KCNK13: variants seen among roughly 807,000 people sequenced by gnomAD.
The protein encoded by KCNK13 is potassium channel subfamily K member 13.
Under a neutral mutation model 23.4 loss-of-function variants are expected in KCNK13, and 12 were observed. The observed-to-expected ratio is 0.51, with a 90% CI of 0.33 to 0.83. The LOEUF (loss-of-function observed/expected upper bound fraction) is 0.83, where lower values mean the gene tolerates loss of function less well. KCNK13 is among the 40% of genes least tolerant of loss of function. KCNK13 has a pLI of 0.02. For synonymous variants in KCNK13, 231 were observed against 229.5 expected (o/e 1.01, Z -0.06); for missense variants, 463 against 556.3 (o/e 0.83, Z 1.69).
At chr14:90,137,888 T>G (rs1202399262) in intron 1 of KCNK13, among the ~76,000 whole-genome samples, 3 of 152,210 alleles carry the variant, frequency 2.0e-5, no homozygotes, top group Non-Finnish European at 4.4e-5. Flanking sequence ...TTGATTCCAC[T>G]GTTAGCCTGG....
chr14:90,073,967 G>C (rs529434406), intron 1 of KCNK13, among the ~76,000 whole-genome samples: 1 of 150,790 alleles, frequency 6.6e-6, no homozygotes, highest in Non-Finnish European at 1.5e-5. Flanking sequence ...GAGCCACTGC[G>C]CCCGACCAAG....
chr14:90,151,636 A>G (rs762086166), intron 1 of KCNK13, among the ~76,000 whole-genome samples: 3 of 152,152 alleles, frequency 2.0e-5, no homozygotes, highest in Admixed American at 1.3e-4. Context: ...GTTTGATGCA[A>G]TCCCATTTGT....
intron 1 of KCNK13, among the ~76,000 whole-genome samples, chr14:90,181,975 A>G (rs1482944218): frequency 6.6e-6 from 1 of 152,188 alleles, no homozygotes; most frequent in Non-Finnish European, 1.5e-5. Flanking sequence ...CTCCACTGCC[A>G]AGAATTGCTG....
chr14:90,112,376 A>G (rs1480867322), intron 1 of KCNK13, among the ~76,000 whole-genome samples: 1 of 152,230 alleles, frequency 6.6e-6, no homozygotes, highest in Non-Finnish European at 1.5e-5. Context: ...AAAGAACTGG[A>G]TGAGCAATAC....
intron 1 of KCNK13, among the ~76,000 whole-genome samples, chr14:90,102,840 A>G (rs1362793603): frequency 6.6e-6 from 1 of 152,154 alleles, no homozygotes; most frequent in Non-Finnish European, 1.5e-5. Context: ...TTTTAGATAC[A>G]GGAGGTACAT....
chr14:90,104,589 T>A (rs530196377), intron 1 of KCNK13, among the ~76,000 whole-genome samples: 2 of 152,250 alleles, frequency 1.3e-5, no homozygotes, highest in South Asian at 4.1e-4. Context: ...ACTTGATGAA[T>A]CCTGCCAGAA....
At chr14:90,071,790 G>C (rs1889078101) in intron 1 of KCNK13, among the ~76,000 whole-genome samples, 1 of 151,950 alleles carries the variant, frequency 6.6e-6, no homozygotes, top group African/African-American at 2.4e-5. Flanking sequence ...CCCAGCTACT[G>C]GGGAGGCTGA....
intron 1 of KCNK13, among the ~76,000 whole-genome samples, chr14:90,107,370 T>C (rs1242245075): frequency 6.6e-6 from 1 of 151,292 alleles, no homozygotes; most frequent in Non-Finnish European, 1.5e-5. Context: ...CCCAGCTACT[T>C]GGGAGGCTGA....
At chr14:90,072,465 C>T (rs745818232) in intron 1 of KCNK13, among the ~76,000 whole-genome samples, 21 of 152,140 alleles carry the variant, frequency 1.4e-4, no homozygotes, top group African/African-American at 2.2e-4. Context: ...GCTGGCCAGA[C>T]GGGTCTGATG....
At chr14:90,096,168 A>G (rs543697397) in intron 1 of KCNK13, among the ~76,000 whole-genome samples, 39 of 152,288 alleles carry the variant, frequency 2.6e-4, no homozygotes, top group African/African-American at 9.4e-4. Flanking sequence ...ACTTTATTAT[A>G]TAGACATGAT....
rs140749568 is a variant in KCNK13, at chr14:90,184,268, G to A, written c.492G>A (p.Gln164=). 2.5e-6 allele frequency: 4 copies of A among 1,614,124 alleles called. No homozygotes were observed. The highest frequency in any genetic ancestry group is 3.4e-6 in the Non-Finnish European group (4 of 1,180,054). The change falls in exon 2 of 2, where the codon CAG becomes CAA. Residue 164 remains glutamine (Q), a synonymous_variant. Transcript: ENST00000282146. This position sits in a 1 kb window ranked among gnomAD's most constrained non-coding sequence, Gnocchi z 5.6. ...AYIMKSCHQR[Q]LRRRGALPQE... ...TCATGAAGTCGTGCCACCAGCGGCA[G>A]CTCCGGAGACGAGGGGCCCTGCCCC...
intron 1 of KCNK13, among the ~76,000 whole-genome samples, chr14:90,109,565 C>T (rs886323909): frequency 1.1e-4 from 17 of 151,744 alleles, no homozygotes; most frequent in Middle Eastern, 3.4e-3. Flanking sequence ...CCCACCACCA[C>T]GCCTGGCTAA....
intron 1 of KCNK13, among the ~76,000 whole-genome samples, chr14:90,160,408 T>A (rs577505616): frequency 9.2e-5 from 14 of 152,300 alleles, no homozygotes; most frequent in African/African-American, 3.4e-4. Context: ...GCTGAGCTCA[T>A]GGCTAAGAGT....
chr14:90,068,783 T>C (rs1889038264), intron 1 of KCNK13, among the ~76,000 whole-genome samples: 1 of 152,072 alleles, frequency 6.6e-6, no homozygotes, highest in Admixed American at 6.5e-5. Flanking sequence ...TCCCATGCTT[T>C]AGAACATAGA....
At chr14:90,155,371 T>C (rs554913385) in intron 1 of KCNK13, among the ~76,000 whole-genome samples, 3 of 151,940 alleles carry the variant, frequency 2.0e-5, no homozygotes, top group Admixed American at 6.6e-5. Flanking sequence ...GAGGGGAAGA[T>C]TGGGGCAGCT....
intron 1 of KCNK13, among the ~76,000 whole-genome samples, chr14:90,183,791 G>C (rs1481940638): frequency 1.3e-5 from 2 of 152,212 alleles, no homozygotes; most frequent in Non-Finnish European, 2.9e-5. Context: ...ATATCTAGCA[G>C]AGAAGGGAAA....
chr14:90,069,855 G>C (rs1053771255), intron 1 of KCNK13, among the ~76,000 whole-genome samples: 4 of 152,174 alleles, frequency 2.6e-5, no homozygotes, highest in Non-Finnish European at 5.9e-5. Flanking sequence ...CTGAGGTGCA[G>C]ACAGCATAGA....
chr14:90,157,702 C>CTTTTTTTT (rs34114368), intron 1 of KCNK13, among the ~76,000 whole-genome samples: 2,315 of 100,220 alleles, frequency 0.023, 167 homozygotes, highest in Middle Eastern at 0.03. Flanking sequence ...CTTGGCTTTC[C>CTTTTTTTT]TTTTTTTTTT....
intron 1 of KCNK13, among the ~76,000 whole-genome samples, chr14:90,102,574 C>T (rs138340341): frequency 2.1e-4 from 32 of 152,254 alleles, no homozygotes; most frequent in Middle Eastern, 3.4e-3. Flanking sequence ...GTCAATGACA[C>T]GGAGAGTAGA....
Sources: allele counts gnomAD v4.1 joint callset (sites outside exome capture counted in the v4.1 genomes callset), GRCh38; gene constraint gnomAD v4.1.1; non-coding constraint Gnocchi (gnomAD v3.1); transcripts MANE v1.5; gene names NCBI Gene and HGNC (gene_info 2026-07-23, HGNC 2026-07-21).